The following PACSIN3 variants were observed in gnomAD, a reference collection of about 807,000 sequenced individuals.
PACSIN3 encodes the protein protein kinase C and casein kinase substrate in neurons 3, also known as protein kinase C and casein kinase substrate in neurons protein 3.
A neutral mutation model predicts 56.1 loss-of-function variants in PACSIN3; 34 were observed. The ratio of observed to expected loss-of-function variants is 0.61; its 90% confidence interval spans 0.46 to 0.81. The LOEUF (loss-of-function observed/expected upper bound fraction) is 0.81, where lower values mean the gene tolerates loss of function less well. Among genes scored for constraint, PACSIN3 ranks in the 30% least tolerant of loss-of-function variants. The pLI is 0.00. For missense variants in PACSIN3, 535 were observed against 592.4 expected (o/e 0.90, Z 1.01); for synonymous variants, 218 against 229.8 (o/e 0.95, Z 0.46).
chr11:47,180,310 G>C lies in PACSIN3; in HGVS notation c.479C>G (p.Ala160Gly). 6.2e-7 allele frequency: 1 copy of C among 1,602,526 alleles called. No homozygotes were observed. The change falls in exon 6 of 11, where the codon GCC (alanine) becomes GGC (glycine). Residue 160 changes from alanine to glycine, a missense_variant. Transcript: ENST00000298838. ...CTGGGCGGTCTTCTCATCCTTCCGG[G>C]CTGCGTGGTAGCTTTTCTTGGAAGC... ...VEASKKSYHA[A>G]RKDEKTAQTR... is the part of the protein sequence containing the mutation.
intron 4 of PACSIN3, among the ~76,000 whole-genome samples, chr11:47,181,076 C>T (rs1163657198): frequency 2.6e-5 from 4 of 151,784 alleles, no homozygotes; most frequent in African/African-American, 9.7e-5. Context: ...TCCTGGCTAA[C>T]ACGGTGAAAC....
intron 6 of PACSIN3, 43 bp downstream of exon 6, chr11:47,180,143 C>T (rs1211923403): frequency 2.5e-6 from 4 of 1,570,516 alleles, no homozygotes; most frequent in South Asian, 2.2e-5. Flanking sequence ...TTCAGGAAGC[C>T]GTGCCCTGGG....
Position 47,178,849 on chromosome 11 carries a change from G to A in PACSIN3, c.1037+45C>T. 6.2e-7 allele frequency: 1 copy of A among 1,608,720 alleles called. No individual in the cohort carries two copies. ...CCAAGGAGAAAGGAAAGGAGGGCGG[G>A]AGGCAGAGCTGTTTCTTTGCCACAG... On this transcript the variant is annotated intron_variant, in intron 9 of 10. Transcript: ENST00000298838. This position sits in a 1 kb window ranked among gnomAD's most constrained non-coding sequence, Gnocchi z 4.2.
rs766703628 is a variant in PACSIN3 at position 47,180,492 on chromosome 11, C to T, written c.410G>A (p.Arg137His). The change falls in exon 5 of 11, where the codon CGC (arginine) becomes CAC (histidine). Residue 137 changes from arginine (R) to histidine (H), a missense_variant. Transcript: ENST00000298838. Reference sequence around the variant, plus strand: ...CTTCAGCCAGGGCTTCTGGGCCTTGCGGAAGCCGTCCTCGGCCGCCCGGCT... The same window carrying T: ...CTTCAGCCAGGGCTTCTGGGCCTTGTGGAAGCCGTCCTCGGCCGCCCGGCT... The part of the protein sequence containing the change: ...RESRAAEDGF[R>H]KAQKPWLKRL... The T allele has an allele frequency of 1.5e-5, 24 of 1,603,542 alleles. No homozygotes were observed. In the Admixed American group the frequency reaches 1.7e-4, roughly 11 times the overall value.
rs749218738 is a variant in PACSIN3, at chr11:47,180,510, G to A, written c.392C>T (p.Ala131Val). ...GGCCTTGCGGAAGCCGTCCTCGGCC[G>A]CCCGGCTCTCGCGGAAGCCGCCCAG... ...PVLGGFRESRAAEDGFRKAQK... is the reference protein window; with the variant it reads ...PVLGGFRESRVAEDGFRKAQK... The change falls in exon 5 of 11, where the codon GCG becomes GTG. Residue 131 changes from alanine (A) to valine (V), a missense_variant. By Grantham distance (64) the Ala-to-Val change is moderately conservative. Transcript: ENST00000298838. 2.9e-5 allele frequency: 46 copies of A among 1,603,878 alleles called. No homozygotes were observed. Among genetic ancestry groups the A allele is most frequent in the Middle Eastern group, 1.6e-4 (1 of 6,080 alleles).
chr11:47,181,070 G>C (rs996324448), intron 4 of PACSIN3, among the ~76,000 whole-genome samples: 1 of 151,950 alleles, frequency 6.6e-6, no homozygotes, highest in Non-Finnish European at 1.5e-5. Context: ...AGACCATCCT[G>C]GCTAACACGG....
chr11:47,184,765 C>G (rs991622899), intron 1 of PACSIN3, among the ~76,000 whole-genome samples: 11 of 152,218 alleles, frequency 7.2e-5, no homozygotes, highest in Non-Finnish European at 1.3e-4. Flanking sequence ...AAGAGAGCTG[C>G]TGCCATGAAT....
Position 47,177,648 on chromosome 11 carries a change from G to A in PACSIN3, c.*283C>T, listed in dbSNP as rs1554970183. The A allele has an allele frequency of 2.1e-6, 1 of 480,468 alleles. No homozygotes were observed. The allele number at this position is 480,468 out of a possible 1,614,324, so 29.8% of individuals were successfully genotyped here. On this transcript the variant is annotated 3_prime_UTR_variant, in exon 11 of 11. Transcript: ENST00000298838. ...CCCACCCCAGGAACCCCAAAGCAGA[G>A]GTCAGGAACTGAGTCCACAGCTCCT...
chr11:47,180,114 G>T, intron 6 of PACSIN3, 72 bp downstream of exon 6: 1 of 1,422,452 alleles, frequency 7.0e-7, no homozygotes, highest in Non-Finnish European at 9.7e-7. Flanking sequence ...TGGACAAGAT[G>T]TTCAGGGAGC....
intron 1 of PACSIN3, among the ~76,000 whole-genome samples, chr11:47,183,677 G>T (rs1318203294): frequency 6.6e-6 from 1 of 152,132 alleles, no homozygotes; most frequent in Non-Finnish European, 1.5e-5. Context: ...CCCTCCAAAG[G>T]CCTGGCGTCC....
Position 47,179,438 on chromosome 11 carries a change from T to A in PACSIN3, c.752A>T (p.Gln251Leu). 1.2e-6 allele frequency: 2 copies of A among 1,614,076 alleles called. No individual in the cohort carries two copies. Residue 251 changes from glutamine to leucine, a missense_variant, in exon 7 of 11, where the codon CAG becomes CTG. Coordinates refer to ENST00000298838, the MANE Select transcript of PACSIN3 (RefSeq NM_016223.5). This position sits in a 1 kb window ranked among gnomAD's most constrained non-coding sequence, Gnocchi z 4.4. Reference sequence around the variant, plus strand: ...CTCACTGCTGGAAAGGTCCAGGTGCTGGTGTAAGGTGAGCAGCATATCCTT... The same window carrying A: ...CTCACTGCTGGAAAGGTCCAGGTGCAGGTGTAAGGTGAGCAGCATATCCTT... ...FFKDMLLTLHQHLDLSSSEKF... is the reference protein window; with the variant it reads ...FFKDMLLTLHLHLDLSSSEKF...
rs112491500 is a variant in PACSIN3 at position 47,180,506 on chromosome 11, G to A, written c.396C>T (p.Ala132=). 8.2e-4 allele frequency: 1,313 copies of A among 1,604,016 alleles called. 5 individuals are homozygous for A. The African/African-American group carries it at 0.015, about 18-fold the overall frequency. The change falls in exon 5 of 11, where the codon GCC becomes GCT. Residue 132 remains alanine (A), a synonymous_variant. Transcript: ENST00000298838. ...VLGGFRESRA[A]EDGFRKAQKP... ...TCTGGGCCTTGCGGAAGCCGTCCTCGGCCGCCCGGCTCTCGCGGAAGCCGC... is the reference window on the plus strand; with the variant it reads ...TCTGGGCCTTGCGGAAGCCGTCCTCAGCCGCCCGGCTCTCGCGGAAGCCGC...
intron 1 of PACSIN3, among the ~76,000 whole-genome samples, chr11:47,183,480 GCCCCAGCTC>G (rs1565141315): frequency 2.6e-5 from 4 of 152,228 alleles, no homozygotes; most frequent in African/African-American, 9.6e-5. Flanking sequence ...TCCTAAGGAG[GCCCCAGCTC>G]CCTCTAAGAT....
intron 1 of PACSIN3, among the ~76,000 whole-genome samples, chr11:47,183,596 G>T: frequency 6.6e-6 from 1 of 152,214 alleles, no homozygotes; most frequent in East Asian, 1.9e-4. Flanking sequence ...AGTCACGGAA[G>T]ATACTCATCT....
intron 1 of PACSIN3, among the ~76,000 whole-genome samples, chr11:47,183,884 TG>T (rs1167876748): frequency 6.6e-6 from 1 of 151,798 alleles, no homozygotes; most frequent in Admixed American, 6.6e-5. Flanking sequence ...TAGCCAGGCG[TG>T]GTGGCGGGAA....
chr11:47,179,625 T>C lies in PACSIN3; in HGVS notation c.604-39A>G. On this transcript the variant is annotated intron_variant, in intron 6 of 10. Transcript: ENST00000298838. This position sits in a 1 kb window ranked among gnomAD's most constrained non-coding sequence, Gnocchi z 4.4. Reference sequence around the variant, plus strand: ...GAGGGGCCTGGTGAGAACCAGACCTTCTTCCACCCAGGACTCCACCAGTGT... The same window carrying C: ...GAGGGGCCTGGTGAGAACCAGACCTCCTTCCACCCAGGACTCCACCAGTGT... 6.3e-7 allele frequency: 1 copy of C among 1,594,860 alleles called. No individual in the cohort carries two copies. The highest frequency in any genetic ancestry group is 8.5e-7 in the Non-Finnish European group (1 of 1,171,292).
rs1405350803 is a variant in PACSIN3 at position 47,178,938 on chromosome 11, T to C, written c.993A>G (p.Thr331=). 3.1e-6 allele frequency: 5 copies of C among 1,614,018 alleles called. No individual in the cohort carries two copies. In the South Asian group the frequency reaches 5.5e-5, roughly 18 times the overall value. The part of the protein sequence containing the change: ...DEVTLTSIVP[T]RDGTAPPPQS... ...GGGGTGGGGGTGCGGTGCCATCTCT[T>C]GTAGGCACAATGCTGGTCAGGGTAA... is the stretch of plus-strand genomic sequence containing the variant. The change falls in exon 9 of 11, where the codon ACA becomes ACG. Residue 331 remains threonine, a synonymous_variant. Coordinates refer to ENST00000298838, the MANE Select transcript of PACSIN3 (RefSeq NM_016223.5). The surrounding 1 kb of genome is among the most constrained non-coding windows in gnomAD (Gnocchi z 4.2).
rs1367019382 is a variant in PACSIN3, at chr11:47,179,856, A to T, written c.604-270T>A. 3.8e-5 allele frequency: 21 copies of T among 559,084 alleles called. No individual in the cohort carries two copies. The highest frequency in any genetic ancestry group is 4.6e-4 in the Middle Eastern group (1 of 2,182). 34.6% of individuals were successfully genotyped at this position (559,084 alleles called of 1,614,324 possible). On this transcript the variant is annotated intron_variant, in intron 6 of 10. Transcript: ENST00000298838. This position sits in a 1 kb window ranked among gnomAD's most constrained non-coding sequence, Gnocchi z 4.4. ...GAAATCAGAAAAGGCTTCCTGGAGG[A>T]GGTGGAAACTGCAGCATCTCAGGAT...
rs757461009 is a variant in PACSIN3 at position 47,182,477 on chromosome 11, C to T, written c.137G>A (p.Arg46His). 22 of 1,608,834 alleles carry T rather than the reference C, an allele frequency of 1.4e-5. No homozygotes were observed. The highest frequency in any genetic ancestry group is 1.7e-5 in the Admixed American group (1 of 60,002). ...CGDLVSCFQE[R>H]ARIEKAYAQQ... ...GGCATAAGCCTTCTCGATGCGGGCG[C>T]GCTCCTGGAAGCAGCTGACCAGGTC... Residue 46 changes from arginine (R) to histidine (H), a missense_variant, in exon 4 of 11, where the codon CGC becomes CAC. Physicochemically the swap from Arg to His is conservative, Grantham distance 29. Transcript: ENST00000298838.
Sources: gnomAD v4.1 joint callset for allele counts (sites outside exome capture counted in the v4.1 genomes callset) on GRCh38, gnomAD v4.1.1 for gene constraint, Gnocchi (gnomAD v3.1) non-coding constraint, MANE v1.5 for transcripts, NCBI Gene and HGNC (gene_info 2026-07-23, HGNC 2026-07-21) for gene names.